Variants in NFKBIZ observed in about 807,000 individuals in gnomAD.
NFKBIZ encodes NFKB inhibitor zeta.
A neutral mutation model predicts 76.8 loss-of-function variants in NFKBIZ; 19 were observed. The ratio of observed to expected loss-of-function variants is 0.25; its 90% CI spans 0.17 to 0.36. The LOEUF is 0.36. Ranked by LOEUF, NFKBIZ falls within the 10% of genes least tolerant of loss-of-function variation. NFKBIZ has a pLI of 1.00. For synonymous variants in NFKBIZ, 368 were observed against 354.8 expected, an observed-to-expected ratio of 1.04 and a Z score of -0.42; for missense variants, 829 against 910.9, an observed-to-expected ratio of 0.91 and a Z score of 1.16.
At chr3:101,855,008 T>C in intron 6 of NFKBIZ, 54 bp from the exon 7 acceptor site, 2 of 1,523,684 alleles carry the variant, frequency 1.3e-6, no homozygotes, top group Non-Finnish European at 1.8e-6. Context: ...TCATATTCCT[T>C]GTTATGATAA....
intron 2 of NFKBIZ, 76 bp downstream of exon 2, chr3:101,852,300 G>C: frequency 6.6e-7 from 1 of 1,511,522 alleles, no homozygotes; most frequent in Non-Finnish European, 9.0e-7. Context: ...TGATGACCTA[G>C]GTCCAGTCAT....
chr3:101,854,845 T>C (rs937442052), intron 6 of NFKBIZ, among the ~76,000 whole-genome samples, 162 bp downstream of exon 6: 2 of 152,190 alleles, frequency 1.3e-5, no homozygotes, highest in Non-Finnish European at 2.9e-5. Flanking sequence ...CTTGAAGTTA[T>C]TAATGTTAAC....
intron 9 of NFKBIZ, chr3:101,856,851 G>A: frequency 2.2e-6 from 1 of 458,670 alleles, no homozygotes; most frequent in Non-Finnish European, 3.9e-6. Flanking sequence ...GTATAAAAAG[G>A]TACATTGTGA....
chr3:101,827,993 C>T (rs943746978), exon 1 of NFKBIZ: 3 of 152,242 alleles, frequency 2.0e-5, no homozygotes, highest in Admixed American at 2.0e-4. Flanking sequence ...GGCTGGCCTC[C>T]TCTTGCCACG....
intron 9 of NFKBIZ, 39 bp from the exon 10 acceptor site, chr3:101,857,033 AT>A (rs75713821): frequency 0.097 from 90,438 of 931,322 alleles, 11 homozygotes; most frequent in East Asian, 0.2. Context: ...TAGTATCTGG[AT>A]TTTTTTTTTT....
In NFKBIZ at chr3:101,858,044, G is replaced by T. The variant is rs951306172; in HGVS notation, c.2103+585G>T. The T allele has an allele frequency of 3.1e-5, 27 of 864,714 alleles. No individual in the cohort carries two copies. In the African/African-American group the frequency reaches 4.9e-4, roughly 16 times the overall value. The allele number at this position is 864,714 out of a possible 1,614,324, so 53.6% of individuals were successfully genotyped here. On this transcript the variant is annotated intron_variant, in intron 11 of 11. Transcript: ENST00000326172. Reference sequence around the variant, plus strand: ...AAATATGGTTATATATTATCATTGAGTATTGAATAGTTTCATGAGTAAACT... The same window carrying T: ...AAATATGGTTATATATTATCATTGATTATTGAATAGTTTCATGAGTAAACT...
chr3:101,852,037 T>A, intron 1 of NFKBIZ, 48 bp from the exon 2 acceptor site: 11 of 1,596,614 alleles, frequency 6.9e-6, no homozygotes, highest in Non-Finnish European at 9.4e-6. Flanking sequence ...AACGTTTATG[T>A]CTGTGAAGAT....
intron 4 of NFKBIZ, 46 bp downstream of exon 4, chr3:101,853,035 C>T (rs1942993923): frequency 6.2e-7 from 1 of 1,612,378 alleles, no homozygotes; most frequent in African/African-American, 1.3e-5. Flanking sequence ...GGAAATTATT[C>T]CTGGGATAAT....
chr3:101,831,619 T>C (rs1016195094), intron 2 of NFKBIZ, among the ~76,000 whole-genome samples: 4 of 151,928 alleles, frequency 2.6e-5, no homozygotes, highest in African/African-American at 9.7e-5. Flanking sequence ...CTCCTTCTCC[T>C]CTTTTTCTTT....
intron 2 of NFKBIZ, among the ~76,000 whole-genome samples, chr3:101,831,614 T>C (rs1942648619): frequency 6.6e-6 from 1 of 151,764 alleles, no homozygotes; most frequent in African/African-American, 2.4e-5. Flanking sequence ...TTCTCCTCCT[T>C]CTCCTCTTTT....
chr3:101,859,403 T>A lies in NFKBIZ; in HGVS notation c.*32T>A. 6.3e-7 allele frequency: 1 copy of A among 1,589,754 alleles called. No individual in the cohort carries two copies. Among genetic ancestry groups the A allele is most frequent in the Non-Finnish European group, 8.6e-7 (1 of 1,157,896 alleles). On this transcript the variant is annotated 3_prime_UTR_variant, in exon 12 of 12. Coordinates refer to ENST00000326172, the MANE Select transcript of NFKBIZ (RefSeq NM_031419.4). ...TAGCTTGGAGCCTGGCTAGCAACAC[T>A]CACTGTCAGTTAGGCAGTCCTGATG...
At chr3:101,853,907 CTTG>C (rs1560088601) in intron 5 of NFKBIZ, 44 bp downstream of exon 5, 1 of 1,558,302 alleles carries the variant, frequency 6.4e-7, no homozygotes, top group South Asian at 1.2e-5. Context: ...GTAAGCCACA[CTTG>C]TTGGACTAGT....
intron 11 of NFKBIZ, 50 bp downstream of exon 11, chr3:101,857,509 A>T (rs1404992205): frequency 6.2e-7 from 1 of 1,608,850 alleles, no homozygotes; most frequent in African/African-American, 1.3e-5. Context: ...TGCAGTCTGA[A>T]ACAGAAAGGG....
intron 2 of NFKBIZ, among the ~76,000 whole-genome samples, chr3:101,839,773 T>A (rs562188226): frequency 7.6e-4 from 116 of 152,170 alleles, no homozygotes; most frequent in African/African-American, 2.6e-3. Flanking sequence ...GCCTTCAAAA[T>A]TTTTTTTCTC....
upstream of NFKBIZ, among the ~76,000 whole-genome samples, chr3:101,845,978 C>A (rs1442539272): frequency 6.6e-6 from 1 of 152,204 alleles, no homozygotes; most frequent in Non-Finnish European, 1.5e-5. Context: ...TCAATCTCTT[C>A]TTTGCTTTCG....
At chr3:101,832,336 T>C (rs955788674) in intron 2 of NFKBIZ, among the ~76,000 whole-genome samples, 1 of 152,206 alleles carries the variant, frequency 6.6e-6, no homozygotes, top group African/African-American at 2.4e-5. Context: ...TGCCATCTTA[T>C]CCATTTTTAA....
intron 2 of NFKBIZ, among the ~76,000 whole-genome samples, chr3:101,833,137 T>A (rs1277456261): frequency 1.3e-5 from 2 of 152,224 alleles, no homozygotes; most frequent in Non-Finnish European, 2.9e-5. Context: ...ATTGAGGTAA[T>A]GCACTTAGAT....
intron 1 of NFKBIZ, among the ~76,000 whole-genome samples, chr3:101,828,527 C>T (rs180706709): frequency 1.3e-5 from 2 of 152,202 alleles, no homozygotes; most frequent in East Asian, 3.9e-4. Flanking sequence ...CTATGATATC[C>T]CGAGGCAGAA....
rs1357385854 is a variant in NFKBIZ, at chr3:101,852,899, A to G, written c.474A>G (p.Thr158=). 1 of 1,613,902 alleles carries G rather than the reference A, an allele frequency of 6.2e-7. No homozygotes were observed. Among genetic ancestry groups the G allele is most frequent in the Non-Finnish European group, 8.5e-7 (1 of 1,179,838 alleles). ...NIEQFRELKN[T]VSYSGKRKGP... is the part of the protein sequence containing the mutation. Reference sequence around the variant, plus strand: ...CTTTGGGTACAGAATTGAAGAACACAGTATCATACAGTGGGAAAAGGAAAG... The same window carrying G: ...CTTTGGGTACAGAATTGAAGAACACGGTATCATACAGTGGGAAAAGGAAAG... Residue 158 remains threonine (T), a synonymous_variant, in exon 4 of 12, where the codon ACA becomes ACG. Coordinates refer to ENST00000326172, the MANE Select transcript of NFKBIZ (RefSeq NM_031419.4).
Sources: allele counts gnomAD v4.1 joint callset (sites outside exome capture counted in the v4.1 genomes callset), GRCh38; gene constraint gnomAD v4.1.1; transcripts MANE v1.5; gene names NCBI Gene and HGNC (gene_info 2026-07-23, HGNC 2026-07-21).